CCSER1: variants seen among roughly 807,000 people sequenced by gnomAD.
CCSER1 encodes serine-rich coiled-coil domain-containing protein 1.
Under a neutral mutation model 82.0 loss-of-function variants are expected in CCSER1, and 41 were observed. The observed-to-expected ratio is 0.50, with a 90% CI of 0.39 to 0.65. CCSER1 has a LOEUF of 0.65. Among genes scored for constraint, CCSER1 ranks in the 30% least tolerant of loss-of-function variants. The pLI is 0.00. For missense variants in CCSER1, 1,119 were observed against 1,064.2 expected (o/e 1.05, Z -0.72); for synonymous variants, 414 against 383.9 (o/e 1.08, Z -0.92).
At chr4:91,285,247 GT>G (rs35662705) in intron 10 of CCSER1, among the ~76,000 whole-genome samples, 30,556 of 133,372 alleles carry the variant, frequency 0.23, 3,783 homozygotes, top group African/African-American at 0.38. Context: ...ACTTCAATGG[GT>G]TTTTTTTTTT....
At chr4:91,461,368 G>A (rs1221084910) in intron 10 of CCSER1, among the ~76,000 whole-genome samples, 1 of 152,220 alleles carries the variant, frequency 6.6e-6, no homozygotes, top group South Asian at 2.1e-4. Context: ...AGAAAATTGA[G>A]ACACAAAGAA....
chr4:91,247,225 C>T (rs1739865379), intron 10 of CCSER1, among the ~76,000 whole-genome samples: 1 of 151,424 alleles, frequency 6.6e-6, no homozygotes, highest in Non-Finnish European at 1.5e-5. Flanking sequence ...TGGCATGAAC[C>T]CGGGAGGCGG....
chr4:90,705,836 G>A (rs981536544), intron 6 of CCSER1, among the ~76,000 whole-genome samples: 1 of 152,174 alleles, frequency 6.6e-6, no homozygotes, highest in Non-Finnish European at 1.5e-5. Flanking sequence ...CACAGTATTA[G>A]GGTGGGAGTG....
chr4:90,998,359 C>A (rs1331019916), intron 9 of CCSER1, among the ~76,000 whole-genome samples: 5 of 152,234 alleles, frequency 3.3e-5, no homozygotes, highest in African/African-American at 1.2e-4. Context: ...GGATTACAGG[C>A]GTGAGCCACT....
At chr4:90,387,621 C>T (rs1051749681) in intron 3 of CCSER1, among the ~76,000 whole-genome samples, 3 of 152,082 alleles carry the variant, frequency 2.0e-5, no homozygotes, top group Admixed American at 6.6e-5. Context: ...TGAGATTAAC[C>T]ATGTAGTCAA....
At chr4:91,357,139 T>C (rs185954230) in intron 10 of CCSER1, among the ~76,000 whole-genome samples, 1 of 152,324 alleles carries the variant, frequency 6.6e-6, no homozygotes, top group African/African-American at 2.4e-5. Flanking sequence ...AAAATGAATG[T>C]TTCCTTTAGC....
intron 10 of CCSER1, among the ~76,000 whole-genome samples, chr4:91,256,170 G>A (rs1207265437): frequency 6.6e-6 from 1 of 152,118 alleles, no homozygotes; most frequent in Non-Finnish European, 1.5e-5. Flanking sequence ...GGCCGCTCTT[G>A]GAGTGTCTGC....
intron 8 of CCSER1, among the ~76,000 whole-genome samples, chr4:90,887,539 A>G (rs1722313384): frequency 6.6e-6 from 1 of 152,180 alleles, no homozygotes; most frequent in Admixed American, 6.5e-5. Flanking sequence ...CGGGAACCTC[A>G]GAAATTCCAA....
At chr4:90,868,834 G>A (rs530833586) in intron 8 of CCSER1, among the ~76,000 whole-genome samples, 1 of 151,886 alleles carries the variant, frequency 6.6e-6, no homozygotes, top group African/African-American at 2.4e-5. Context: ...AGTGTACGAG[G>A]GTTCCCTTTT....
chr4:90,832,254 A>C (rs945349973), intron 8 of CCSER1, among the ~76,000 whole-genome samples: 9 of 152,242 alleles, frequency 5.9e-5, no homozygotes, highest in African/African-American at 2.2e-4. Flanking sequence ...AATGTCTGCA[A>C]ATGAAGAGAA....
At chr4:90,850,672 A>G (rs965683153) in intron 8 of CCSER1, among the ~76,000 whole-genome samples, 2 of 152,070 alleles carry the variant, frequency 1.3e-5, no homozygotes, top group Non-Finnish European at 2.9e-5. Flanking sequence ...CAATTCCTGT[A>G]CCCCCACTGT....
At chr4:90,997,732 G>A (rs1279693066) in intron 9 of CCSER1, among the ~76,000 whole-genome samples, 3 of 152,064 alleles carry the variant, frequency 2.0e-5, no homozygotes, top group Non-Finnish European at 4.4e-5. Flanking sequence ...AATGAAGGAA[G>A]TGTTCCCATT....
chr4:90,828,995 G>A (rs1447514039), intron 8 of CCSER1, among the ~76,000 whole-genome samples: 1 of 152,078 alleles, frequency 6.6e-6, no homozygotes, highest in Non-Finnish European at 1.5e-5. Context: ...ATGTGGGGAT[G>A]TCACCTAGGA....
intron 7 of CCSER1, among the ~76,000 whole-genome samples, chr4:90,812,519 C>T (rs1021482599): frequency 6.6e-6 from 1 of 152,126 alleles, no homozygotes; most frequent in East Asian, 1.9e-4. Context: ...ACAATTGTTA[C>T]AGGGACATCA....
At chr4:91,020,674 G>C (rs1328693396) in intron 9 of CCSER1, among the ~76,000 whole-genome samples, 1 of 151,350 alleles carries the variant, frequency 6.6e-6, no homozygotes, top group African/African-American at 2.4e-5. Context: ...AAAAAAAAAA[G>C]TACATACCTT....
At chr4:90,233,066 C>T (rs977357129) in intron 1 of CCSER1, among the ~76,000 whole-genome samples, 26 of 151,998 alleles carry the variant, frequency 1.7e-4, no homozygotes, top group Admixed American at 3.3e-4. Flanking sequence ...GTCAGTGTGG[C>T]GATTCCTCAG....
intron 9 of CCSER1, among the ~76,000 whole-genome samples, chr4:90,987,210 A>C (rs1281932873): frequency 6.6e-6 from 1 of 151,232 alleles, no homozygotes; most frequent in African/African-American, 2.4e-5. Context: ...TTTCAAGTCA[A>C]GTAGAATTTG....
At chr4:91,211,227 G>A (rs989095910) in intron 10 of CCSER1, among the ~76,000 whole-genome samples, 2 of 152,000 alleles carry the variant, frequency 1.3e-5, no homozygotes, top group African/African-American at 4.8e-5. Context: ...AGAGGAAGAT[G>A]ATGGTGGCTT....
At chr4:90,245,401 C>T (rs1721239253) in intron 1 of CCSER1, among the ~76,000 whole-genome samples, 1 of 151,716 alleles carries the variant, frequency 6.6e-6, no homozygotes, top group Admixed American at 6.6e-5. Flanking sequence ...GTGCTGGTAG[C>T]TGACCCCTTC....
Sources: allele counts gnomAD v4.1 joint callset (sites outside exome capture counted in the v4.1 genomes callset), GRCh38; gene constraint gnomAD v4.1.1; transcripts MANE v1.5; gene names NCBI Gene and HGNC (gene_info 2026-07-23, HGNC 2026-07-21).